Variants in ZNF536 observed in about 807,000 individuals in gnomAD.
ZNF536 encodes the protein zinc finger protein 536.
Under a neutral mutation model 84.5 loss-of-function variants are expected in ZNF536, and 13 were observed. The ratio of observed to expected loss-of-function variants is 0.15; its 90% CI spans 0.10 to 0.24. The LOEUF (loss-of-function observed/expected upper bound fraction) is 0.24, where lower values mean the gene tolerates loss of function less well. Ranked by LOEUF, ZNF536 falls within the 10% of genes least tolerant of loss-of-function variation. The pLI is 1.00. For missense variants in ZNF536, 1,536 were observed against 1,747.5 expected, an observed-to-expected ratio of 0.88 and a Z score of 2.16; for synonymous variants, 811 against 742.5, an observed-to-expected ratio of 1.09 and a Z score of -1.50.
chr19:30,371,866 T>C (rs1349445507), upstream of ZNF536, among the ~76,000 whole-genome samples: 1 of 152,054 alleles, frequency 6.6e-6, no homozygotes, highest in Non-Finnish European at 1.5e-5. Flanking sequence ...TATATATACA[T>C]TGAAGAATCT....
At chr19:30,317,854 C>A (rs2046730853) in intron 2 of ZNF536, among the ~76,000 whole-genome samples, 1 of 152,226 alleles carries the variant, frequency 6.6e-6, no homozygotes, top group African/African-American at 2.4e-5. Flanking sequence ...AATTTCTTTT[C>A]TTGTTTCTAA....
At chr19:30,658,155 G>A (rs1162898796) in intron 1 of ZNF536, among the ~76,000 whole-genome samples, 1 of 151,962 alleles carries the variant, frequency 6.6e-6, no homozygotes, top group East Asian at 1.9e-4. Context: ...CTGAGCAGCT[G>A]GGACTACAAG....
At chr19:30,372,272 A>C (rs2048637110), upstream of ZNF536, 1 of 152,252 alleles carries the variant, frequency 6.6e-6, no homozygotes, top group Admixed American at 6.5e-5. Flanking sequence ...AGCTGGGAGC[A>C]GTGACTCCAG....
intron 1 of ZNF536, among the ~76,000 whole-genome samples, chr19:30,597,696 C>T (rs1401725200): frequency 2.0e-5 from 3 of 152,138 alleles, no homozygotes; most frequent in Non-Finnish European, 2.9e-5. Context: ...ACAGTAAGCG[C>T]TCAGTAATAT....
At chr19:30,446,041 G>A (rs2052317665) in intron 2 of ZNF536, among the ~76,000 whole-genome samples, 1 of 151,886 alleles carries the variant, frequency 6.6e-6, no homozygotes, top group East Asian at 1.9e-4. Context: ...TGAGGCCAGG[G>A]ATTCGAGGCC....
intron 1 of ZNF536, among the ~76,000 whole-genome samples, chr19:30,689,849 T>C (rs1459286033): frequency 6.6e-6 from 1 of 152,236 alleles, no homozygotes; most frequent in East Asian, 1.9e-4. Flanking sequence ...CACAGGCTTG[T>C]TCCTGAAGGC....
chr19:30,693,466 A>T (rs1197514748), intron 1 of ZNF536, among the ~76,000 whole-genome samples: 1 of 152,188 alleles, frequency 6.6e-6, no homozygotes, highest in Non-Finnish European at 1.5e-5. Flanking sequence ...TTCCTCAGCC[A>T]TATTCTGGAT....
At chr19:30,383,687 CCTTTCT>C (rs2147202598) in intron 1 of ZNF536, among the ~76,000 whole-genome samples, 1 of 13,636 alleles carries the variant, frequency 7.3e-5, no homozygotes, top group African/African-American at 3.1e-4. Flanking sequence ...TTTCTTCCTT[CCTTTCT>C]TTTCTTTCTC....
intron 1 of ZNF536, among the ~76,000 whole-genome samples, chr19:30,603,680 T>C (rs2047770841): frequency 6.6e-6 from 1 of 152,244 alleles, no homozygotes; most frequent in African/African-American, 2.4e-5. Flanking sequence ...AGTAAGTTAT[T>C]TGCAAAGGGT....
intron 1 of ZNF536, among the ~76,000 whole-genome samples, chr19:30,584,029 A>C (rs1368756001): frequency 4.6e-5 from 7 of 152,118 alleles, no homozygotes; most frequent in Non-Finnish European, 8.8e-5. Context: ...TGCATCTAGA[A>C]TCAACAGTCA....
chr19:30,304,244 C>T (rs1479815802), intron 2 of ZNF536, among the ~76,000 whole-genome samples: 1 of 152,200 alleles, frequency 6.6e-6, no homozygotes, highest in African/African-American at 2.4e-5. Flanking sequence ...CCCGCATTTG[C>T]ATCTTCATCT....
At chr19:30,677,578 C>A (rs1350629553) in intron 1 of ZNF536, among the ~76,000 whole-genome samples, 2 of 152,214 alleles carry the variant, frequency 1.3e-5, no homozygotes, top group Non-Finnish European at 2.9e-5. Context: ...CCCCCGGGGA[C>A]ACAGGAAAAG....
rs376408337 is a variant in ZNF536, at chr19:30,389,410, C to A, written c.-3+16854C>A. 1.7e-3 allele frequency among the ~76,000 whole-genome samples: 254 copies of A among 152,160 alleles called. 2 individuals carry two copies. The highest frequency in any genetic ancestry group is 5.7e-3 in the African/African-American group (235 of 41,504). On this transcript the variant is annotated intron_variant, in intron 1 of 4. Transcript: ENST00000355537. ...CCTCTCCTCTACTCTGGACACGAGA[C>A]CCTTGTAAAAAAAAATTCCCTTTTT...
At chr19:30,513,482 G>A (rs749906211) in intron 2 of ZNF536, among the ~76,000 whole-genome samples, 9 of 152,090 alleles carry the variant, frequency 5.9e-5, no homozygotes, top group African/African-American at 2.2e-4. Context: ...CCCCAACCCC[G>A]GTGACTCCTG....
intron 2 of ZNF536, among the ~76,000 whole-genome samples, chr19:30,517,942 G>A (rs745468791): frequency 3.3e-5 from 5 of 152,310 alleles, no homozygotes; most frequent in South Asian, 2.1e-4. Flanking sequence ...GGACTTGGGC[G>A]AGGTCATTAA....
intron 1 of ZNF536, among the ~76,000 whole-genome samples, chr19:30,664,514 T>C (rs961211483): frequency 5.9e-5 from 9 of 152,136 alleles, no homozygotes; most frequent in African/African-American, 2.2e-4. Context: ...GCTCCACTCC[T>C]GCTGTCTGGG....
intron 1 of ZNF536, among the ~76,000 whole-genome samples, chr19:30,438,333 T>A (rs1301887948): frequency 6.6e-6 from 1 of 152,166 alleles, no homozygotes; most frequent in Non-Finnish European, 1.5e-5. Flanking sequence ...TAGCTCAACA[T>A]GGATTAAAGA....
intron 3 of ZNF536, among the ~76,000 whole-genome samples, chr19:30,361,589 C>T (rs953613021): frequency 1.3e-5 from 2 of 152,148 alleles, no homozygotes; most frequent in African/African-American, 2.4e-5. Flanking sequence ...AGGCGTCAAA[C>T]ACGCGCCATG....
intron 1 of ZNF536, among the ~76,000 whole-genome samples, chr19:30,635,266 A>G (rs1385522446): frequency 6.6e-6 from 1 of 152,256 alleles, no homozygotes; most frequent in Non-Finnish European, 1.5e-5. Flanking sequence ...GAGATGGTGC[A>G]GTGTTGGCAC....
Sources: gnomAD v4.1 joint callset for allele counts (sites outside exome capture counted in the v4.1 genomes callset) on GRCh38, gnomAD v4.1.1 for gene constraint, MANE v1.5 for transcripts, NCBI Gene and HGNC (gene_info 2026-07-23, HGNC 2026-07-21) for gene names.